The following CCDC136 variants were observed in gnomAD, a reference collection of about 807,000 sequenced individuals.
CCDC136 encodes the protein coiled-coil domain-containing protein 136.
CCDC136 carries 100 observed loss-of-function variants against 141.2 expected under a neutral mutation model. The ratio of observed to expected loss-of-function variants is 0.71; its 90% CI spans 0.60 to 0.84. The LOEUF (loss-of-function observed/expected upper bound fraction) is 0.84, where lower values mean the gene tolerates loss of function less well. CCDC136 is among the 40% of genes least tolerant of loss of function. CCDC136 has a pLI of 0.00. For synonymous variants in CCDC136, 474 were observed against 531.9 expected, an observed-to-expected ratio of 0.89 and a Z score of 1.50; for missense variants, 1,206 against 1,379.4, an observed-to-expected ratio of 0.87 and a Z score of 1.99.
intron 4 of CCDC136, 74 bp downstream of exon 4, chr7:128,801,583 G>A (rs1404263058): frequency 2.8e-6 from 3 of 1,081,594 alleles, no homozygotes; most frequent in Non-Finnish European, 3.9e-6. Flanking sequence ...ATGGTAGAAG[G>A]TGGTGTTAGA....
intron 10 of CCDC136, chr7:128,808,646 G>A (rs1377153070): frequency 1.0e-6 from 1 of 985,280 alleles, no homozygotes; most frequent in African/African-American, 1.7e-5. Context: ...CTGGGGAAAG[G>A]CCTTCAGGAG....
upstream of CCDC136, among the ~76,000 whole-genome samples, chr7:128,791,173 T>G (rs950493056): frequency 6.6e-6 from 1 of 152,120 alleles, no homozygotes; most frequent in Non-Finnish European, 1.5e-5. This position sits in a 1 kb window ranked among gnomAD's most constrained non-coding sequence, Gnocchi z 7.1. Context: ...ATCTCGCTCC[T>G]CCCTCTTGGG....
intron 12 of CCDC136, chr7:128,811,385 G>A (rs1161794434): frequency 4.4e-6 from 2 of 458,360 alleles, no homozygotes; most frequent in Non-Finnish European, 4.4e-6. Flanking sequence ...TCATATTGCC[G>A]CATTCAAGGC....
At chr7:128,818,997 C>T (rs1807069659) in intron 17 of CCDC136, among the ~76,000 whole-genome samples, 1 of 152,200 alleles carries the variant, frequency 6.6e-6, no homozygotes, top group Admixed American at 6.5e-5. Flanking sequence ...TGCTCCCTCC[C>T]CAGCTTTCCT....
rs746069223 is a variant in CCDC136 at position 128,812,869 on chromosome 7, G to A, written c.2703G>A (p.Glu901=). 1 of 1,613,098 alleles carries A rather than the reference G, an allele frequency of 6.2e-7. No individual in the cohort carries two copies. Among genetic ancestry groups the A allele is most frequent in the Non-Finnish European group, 8.5e-7 (1 of 1,179,610 alleles). ...AAGAGCTGGATGCCTGTGAAAGGGA[G>A]TTCAAGGAGTGCATGGAATGCCTTG... ...LKEELDACER[E]FKECMECLEK... is the part of the protein sequence containing the mutation. Residue 901 remains glutamate, a synonymous_variant, in exon 14 of 18, where the codon GAG becomes GAA. Coordinates refer to ENST00000297788, the MANE Select transcript of CCDC136 (RefSeq NM_022742.5).
Position 128,794,319 on chromosome 7 carries a change from C to T in CCDC136, c.17-29C>T. On this transcript the variant is annotated intron_variant, in intron 1 of 17. Transcript: ENST00000297788. This position sits in a 1 kb window ranked among gnomAD's most constrained non-coding sequence, Gnocchi z 4.3. ...ACGGCAGAAAGGAAGTTGATGCTGA[C>T]TCCTTGGTGGGATGGCTGTGTCTCC... is the stretch of plus-strand genomic sequence containing the variant. 2.6e-6 allele frequency: 4 copies of T among 1,551,718 alleles called. No individual in the cohort carries two copies. Among genetic ancestry groups the T allele is most frequent in the Non-Finnish European group, 3.5e-6 (4 of 1,146,932 alleles).
chr7:128,802,023 G>A (rs1350696573), intron 4 of CCDC136, among the ~76,000 whole-genome samples: 1 of 152,194 alleles, frequency 6.6e-6, no homozygotes, highest in African/African-American at 2.4e-5. Context: ...GCATCATGGT[G>A]CTTTGCCTGG....
intron 16 of CCDC136, among the ~76,000 whole-genome samples, chr7:128,816,430 G>A (rs1333215449): frequency 6.6e-6 from 1 of 152,108 alleles, no homozygotes; most frequent in Non-Finnish European, 1.5e-5. Context: ...GGCTCATGTT[G>A]CCCCCTGGAT....
rs1314799294 is a variant in CCDC136 at position 128,822,097 on chromosome 7, G to A, written c.*304G>A. The A allele has an allele frequency of 8.5e-7, 1 of 1,180,624 alleles. No homozygotes were observed. The highest frequency in any genetic ancestry group is 1.1e-6 in the Non-Finnish European group (1 of 936,550). The allele number at this position is 1,180,624 out of a possible 1,614,324, so 73.1% of individuals were successfully genotyped here. The stretch of plus-strand genomic sequence containing the variant: ...CATCTCCTGCCTTGTGTAAGAACCT[G>A]AGTTCCTTGTAATTAAATATCAACT... On this transcript the variant is annotated 3_prime_UTR_variant, in exon 18 of 18. Transcript: ENST00000297788.
Position 128,815,879 on chromosome 7 carries a change from C to A in CCDC136, c.3311C>A (p.Ser1104Tyr). 17 of 1,613,842 alleles carry A rather than the reference C, an allele frequency of 1.1e-5. No individual in the cohort carries two copies. The highest frequency in any genetic ancestry group is 2.2e-5 in the East Asian group (1 of 44,884). ...GAGGAGGAGGATGACGCCGACTCTT[C>A]CCTTGAAAGTCCCGAAGAAAATAAC... ...SEEEEDDADS[S>Y]LESPEENNPL... Residue 1104 changes from serine (S) to tyrosine (Y), a missense_variant, in exon 16 of 18, where the codon TCC (serine) becomes TAC (tyrosine). Ser to Tyr is a moderately radical substitution (Grantham distance 144). Coordinates refer to ENST00000297788, the MANE Select transcript of CCDC136 (RefSeq NM_022742.5).
rs569788322 is a variant in CCDC136 at position 128,811,424 on chromosome 7, C to T, written c.2029-376C>T. 3.0e-4 allele frequency: 136 copies of T among 456,048 alleles called. No homozygotes were observed. In the East Asian group the frequency reaches 5.0e-3, roughly 17 times the overall value. 28.3% of individuals were successfully genotyped at this position (456,048 alleles called of 1,614,324 possible). A position where few individuals can be genotyped will look rare whatever the true frequency, so the allele number is the denominator to read the frequency against. ...GGCTGATTTTAGAACTAGGGGTGGG[C>T]GAGGGGACTGAGCCTGAAGGTCAGG... On this transcript the variant is annotated intron_variant, in intron 12 of 17. Transcript: ENST00000297788.
At position 128,821,709 on chromosome 7, in the gene CCDC136, G is replaced by T. The variant is rs749264963; in HGVS notation, c.*6-90G>T. ...AGAGACTGATCCACAATGTTCCTGAGGTGTCTTGGGCACCCATAGGCAGGT... is the reference window on the plus strand; with the variant it reads ...AGAGACTGATCCACAATGTTCCTGATGTGTCTTGGGCACCCATAGGCAGGT... On this transcript the variant is annotated intron_variant, in intron 17 of 17. Transcript: ENST00000297788. The surrounding 1 kb of genome is among the most constrained non-coding windows in gnomAD (Gnocchi z 5.1). The T allele has an allele frequency of 5.5e-5, 55 of 995,438 alleles. No homozygotes were observed. The highest frequency in any genetic ancestry group is 7.3e-5 in the Non-Finnish European group (53 of 725,482). The allele number at this position is 995,438 out of a possible 1,614,324, so 61.7% of individuals were successfully genotyped here.
intron 3 of CCDC136, among the ~76,000 whole-genome samples, chr7:128,800,131 T>C (rs9791702): frequency 0.14 from 21,873 of 152,176 alleles, 1,728 homozygotes; most frequent in African/African-American, 0.2. Flanking sequence ...TTATATACTA[T>C]ACATAAAATA....
In CCDC136 at chr7:128,821,095, G is replaced by A. The variant is rs1807378589; in HGVS notation, c.*6-704G>A. ...TCATATTACCTAATGGATGCTTTTT[G>A]GATATCTTCGATGGTGCCACTTGTC... On this transcript the variant is annotated intron_variant, in intron 17 of 17. Coordinates refer to ENST00000297788, the MANE Select transcript of CCDC136 (RefSeq NM_022742.5). This position sits in a 1 kb window ranked among gnomAD's most constrained non-coding sequence, Gnocchi z 5.1. Among the ~76,000 whole-genome samples the A allele has an allele frequency of 1.3e-5, 2 of 152,200 alleles. No individual in the cohort carries two copies. The highest frequency in any genetic ancestry group is 4.1e-4 in the South Asian group (2 of 4,820).
At chr7:128,801,126 T>C in intron 3 of CCDC136, 60 bp from the exon 4 acceptor site, 1 of 1,313,270 alleles carries the variant, frequency 7.6e-7, no homozygotes, top group Non-Finnish European at 1.1e-6. Flanking sequence ...TTTGTGCCTC[T>C]AGAACATGGT....
chr7:128,809,960 C>T (rs1294014119), intron 11 of CCDC136, among the ~76,000 whole-genome samples, 179 bp from the exon 12 acceptor site: 1 of 152,206 alleles, frequency 6.6e-6, no homozygotes, highest in African/African-American at 2.4e-5. Flanking sequence ...CACAAGAGAC[C>T]ACTGCCACTT....
In CCDC136 at chr7:128,806,768, G is replaced by A; in HGVS notation, c.1329G>A (p.Gln443=). The change falls in exon 9 of 18, where the codon CAG becomes CAA. Residue 443 remains glutamine (Q), a synonymous_variant. Coordinates refer to ENST00000297788, the MANE Select transcript of CCDC136 (RefSeq NM_022742.5). ...TCEKEKLLER[Q]QQLQEELQCH... ...AGAAGGAAAAGCTGCTGGAACGGCAGCAGCAGCTGCAGGAGGAGCTGCAGT... is the reference window on the plus strand; with the variant it reads ...AGAAGGAAAAGCTGCTGGAACGGCAACAGCAGCTGCAGGAGGAGCTGCAGT... 2 of 1,611,600 alleles carry A rather than the reference G, an allele frequency of 1.2e-6. No homozygotes were observed. The highest frequency in any genetic ancestry group is 1.7e-6 in the Non-Finnish European group (2 of 1,179,444).
chr7:128,818,870 C>T (rs183111587), intron 17 of CCDC136, among the ~76,000 whole-genome samples: 140 of 152,308 alleles, frequency 9.2e-4, no homozygotes, highest in African/African-American at 3.1e-3. Context: ...CCTGCCTCCC[C>T]CTCCACTCCC....
rs745935089 is a variant in CCDC136, at chr7:128,806,771, G to C, written c.1332G>C (p.Gln444His). 1 of 1,612,048 alleles carries C rather than the reference G, an allele frequency of 6.2e-7. No individual in the cohort carries two copies. ...AGGAAAAGCTGCTGGAACGGCAGCAGCAGCTGCAGGAGGAGCTGCAGTGCC... is the reference window on the plus strand; with the variant it reads ...AGGAAAAGCTGCTGGAACGGCAGCACCAGCTGCAGGAGGAGCTGCAGTGCC... The part of the protein sequence containing the change: ...CEKEKLLERQ[Q>H]QLQEELQCHE... The change falls in exon 9 of 18, where the codon CAG becomes CAC. Residue 444 changes from glutamine (Q) to histidine (H), a missense_variant. Transcript: ENST00000297788.
Sources: allele counts gnomAD v4.1 joint callset (sites outside exome capture counted in the v4.1 genomes callset), GRCh38; gene constraint gnomAD v4.1.1; non-coding constraint Gnocchi (gnomAD v3.1); transcripts MANE v1.5; gene names NCBI Gene and HGNC (gene_info 2026-07-23, HGNC 2026-07-21).